Variants in KIF11 observed in about 807,000 individuals in gnomAD.
The protein encoded by KIF11 is kinesin family member 11.
KIF11 carries 9 observed loss-of-function variants against 121.0 expected under a neutral mutation model. The ratio of observed to expected loss-of-function variants is 0.07; its 90% confidence interval spans 0.04 to 0.13. The LOEUF (loss-of-function observed/expected upper bound fraction) is 0.13. Among genes scored for constraint, KIF11 ranks in the 10% least tolerant of loss-of-function variants. KIF11 has a pLI of 1.00. For synonymous variants in KIF11, 408 were observed against 421.0 expected (o/e 0.97, Z 0.38); for missense variants, 846 against 1,217.5 (o/e 0.69, Z 4.54).
chr10:92,597,295 G>A lies in KIF11; in HGVS notation c.77+3843G>A, dbSNP rs182022559. ...CATACAGATGTTGAGACAGAAAATC[G>A]TTCTGTCACCCAGGCTGGAGTGCAG... On this transcript the variant is annotated intron_variant, in intron 1 of 21. Coordinates refer to ENST00000260731, the MANE Select transcript of KIF11 (RefSeq NM_004523.4). 220 of 217,672 alleles carry A rather than the reference G, an allele frequency of 1.0e-3. 2 individuals carry two copies. The highest frequency in any genetic ancestry group is 4.7e-3 in the African/African-American group (203 of 43,374). The allele number at this position is 217,672 out of a possible 1,614,324, so 13.5% of individuals were successfully genotyped here. A position where few individuals can be genotyped will look rare whatever the true frequency, so the allele number is the denominator to read the frequency against.
intron 3 of KIF11, 127 bp from the exon 4 acceptor site, chr10:92,607,032 C>T (rs1367005128): frequency 7.8e-6 from 5 of 637,502 alleles, no homozygotes; most frequent in Non-Finnish European, 1.4e-5. Flanking sequence ...CCACCTCGGC[C>T]TCCCAAAGTG....
At chr10:92,595,330 G>A (rs779394682) in intron 1 of KIF11, among the ~76,000 whole-genome samples, 4 of 152,008 alleles carry the variant, frequency 2.6e-5, no homozygotes, top group Non-Finnish European at 4.4e-5. Context: ...AAAGTGCTGG[G>A]ATTATAGGCG....
At chr10:92,635,392 A>T (rs1247630324) in intron 14 of KIF11, among the ~76,000 whole-genome samples, 20 of 152,240 alleles carry the variant, frequency 1.3e-4, no homozygotes, top group Admixed American at 1.3e-3. Flanking sequence ...CAATAAAGTG[A>T]ATATTACAAT....
chr10:92,616,030 G>A (rs1369853297), intron 8 of KIF11, among the ~76,000 whole-genome samples: 2 of 151,524 alleles, frequency 1.3e-5, no homozygotes, highest in Non-Finnish European at 2.9e-5. Context: ...GTGGAGACAG[G>A]GTTTCACCAT....
chr10:92,614,633 C>T (rs1218727061), intron 8 of KIF11, among the ~76,000 whole-genome samples: 3 of 152,036 alleles, frequency 2.0e-5, no homozygotes, highest in Non-Finnish European at 4.4e-5. Context: ...AGTGAATGCT[C>T]GCTAGTGTGG....
chr10:92,595,740 C>T (rs944631741), intron 1 of KIF11, among the ~76,000 whole-genome samples: 4 of 152,268 alleles, frequency 2.6e-5, no homozygotes, highest in African/African-American at 9.6e-5. Flanking sequence ...CCATTTCCCT[C>T]TCCCATCAAC....
At chr10:92,600,656 C>T (rs1041674490) in intron 1 of KIF11, among the ~76,000 whole-genome samples, 11 of 150,698 alleles carry the variant, frequency 7.3e-5, no homozygotes, top group South Asian at 2.1e-4. Flanking sequence ...TACAGGCATG[C>T]GCCCATGCCT....
intron 11 of KIF11, among the ~76,000 whole-genome samples, chr10:92,629,150 T>A (rs1844708623): frequency 1.3e-5 from 2 of 151,856 alleles, no homozygotes; most frequent in Non-Finnish European, 1.5e-5. Flanking sequence ...CTGGCTAATT[T>A]TTTTTGTATT....
intron 16 of KIF11, 93 bp from the exon 17 acceptor site, chr10:92,639,701 C>T: frequency 1.4e-6 from 1 of 694,582 alleles, no homozygotes; most frequent in South Asian, 1.8e-5. Context: ...TAATTCTCAC[C>T]TATGGACAAT....
At chr10:92,609,770 C>G (rs143599079) in intron 6 of KIF11, among the ~76,000 whole-genome samples, 1 of 152,078 alleles carries the variant, frequency 6.6e-6, no homozygotes, top group African/African-American at 2.4e-5. Flanking sequence ...AATTTTCGCT[C>G]TTGTTACCCA....
intron 10 of KIF11, among the ~76,000 whole-genome samples, chr10:92,625,809 A>G (rs1844670160): frequency 6.6e-6 from 1 of 152,150 alleles, no homozygotes; most frequent in Admixed American, 6.6e-5. Context: ...GCCAAACAAG[A>G]ATGCAATTCC....
chr10:92,620,097 T>C (rs892334865), intron 9 of KIF11, among the ~76,000 whole-genome samples: 1 of 149,754 alleles, frequency 6.7e-6, no homozygotes, highest in Non-Finnish European at 1.5e-5. Flanking sequence ...TTTTTTTTTT[T>C]TGAGACGGAG....
chr10:92,630,475 T>G, intron 12 of KIF11, 111 bp downstream of exon 12: 1 of 549,428 alleles, frequency 1.8e-6, no homozygotes, highest in Non-Finnish European at 3.0e-6. Flanking sequence ...GGTATTTCTG[T>G]CCATTTAAAA....
chr10:92,633,609 T>C lies in KIF11; in HGVS notation c.1703-14T>C. On this transcript the variant is annotated splice_polypyrimidine_tract_variant and intron_variant, in intron 13 of 21. Coordinates refer to ENST00000260731, the MANE Select transcript of KIF11 (RefSeq NM_004523.4). The stretch of plus-strand genomic sequence containing the variant: ...ATGTCAAAGTTTACATCTTTCTGTT[T>C]TTGTTTGTTATAGGTAATCTGCTGT... The C allele has an allele frequency of 6.4e-7, 1 of 1,570,928 alleles. No individual in the cohort carries two copies. The highest frequency in any genetic ancestry group is 2.2e-5 in the East Asian group (1 of 44,448).
Position 92,593,364 on chromosome 10 carries a change from G to A in KIF11, c.-12G>A. Reference sequence around the variant, plus strand: ...TCCGCGGCCGGGCCTTGATTTTTTGGCGGGGACCGTCATGGCGTCGCAGCC... The same window carrying A: ...TCCGCGGCCGGGCCTTGATTTTTTGACGGGGACCGTCATGGCGTCGCAGCC... On this transcript the variant is annotated 5_prime_UTR_variant, in exon 1 of 22. Transcript: ENST00000260731. The A allele has an allele frequency of 6.2e-7, 1 of 1,603,932 alleles. No individual in the cohort carries two copies. Among genetic ancestry groups the A allele is most frequent in the Non-Finnish European group, 8.5e-7 (1 of 1,176,054 alleles).
At position 92,633,804 on chromosome 10, in the gene KIF11, A is replaced by C; in HGVS notation, c.1875+9A>C. ...TACTACAGGAATTGATTGTTAGTACATCCTTTAAAATATTTTTGAAGGGTT... is the reference window on the plus strand; with the variant it reads ...TACTACAGGAATTGATTGTTAGTACCTCCTTTAAAATATTTTTGAAGGGTT... On this transcript the variant is annotated intron_variant, in intron 14 of 21. Transcript: ENST00000260731. 6.6e-7 allele frequency: 1 copy of C among 1,522,256 alleles called. No homozygotes were observed. The highest frequency in any genetic ancestry group is 9.0e-7 in the Non-Finnish European group (1 of 1,114,868). The allele number at this position is 1,522,256 out of a possible 1,614,324, so 94.3% of individuals were successfully genotyped here. A position where few individuals can be genotyped will look rare whatever the true frequency, so the allele number is the denominator to read the frequency against.
intron 6 of KIF11, among the ~76,000 whole-genome samples, chr10:92,612,600 G>T (rs573395299): frequency 6.6e-6 from 1 of 152,188 alleles, no homozygotes; most frequent in Non-Finnish European, 1.5e-5. Context: ...GTGTACTTGT[G>T]CATGTACACA....
intron 14 of KIF11, among the ~76,000 whole-genome samples, chr10:92,635,953 T>G (rs1182018686): frequency 6.6e-6 from 1 of 152,222 alleles, no homozygotes; most frequent in East Asian, 1.9e-4. Context: ...CTAATGTATT[T>G]CTGTTATACT....
intron 8 of KIF11, 59 bp from the exon 9 acceptor site, chr10:92,616,677 TA>T: frequency 1.2e-6 from 1 of 830,786 alleles, no homozygotes; most frequent in South Asian, 1.6e-5. Flanking sequence ...ATATTTTAGA[TA>T]ACAGAACTAC....
Sources: gnomAD v4.1 joint callset for allele counts (sites outside exome capture counted in the v4.1 genomes callset) on GRCh38, gnomAD v4.1.1 for gene constraint, MANE v1.5 for transcripts, NCBI Gene and HGNC (gene_info 2026-07-23, HGNC 2026-07-21) for gene names.